The following ATP6V1C2 variants were observed in gnomAD, a reference collection of about 807,000 sequenced individuals.
ATP6V1C2 encodes the protein ATPase H+ transporting V1 subunit C2.
ATP6V1C2 carries 45 observed loss-of-function variants against 56.8 expected under a neutral mutation model. The ratio of observed to expected loss-of-function variants is 0.79; its 90% CI spans 0.62 to 1.02. The LOEUF (loss-of-function observed/expected upper bound fraction) is 1.02, where lower values mean the gene tolerates loss of function less well. ATP6V1C2 is among the 50% of genes least tolerant of loss of function. The pLI, the probability that ATP6V1C2 is intolerant of heterozygous loss-of-function variation, is 0.00. For missense variants in ATP6V1C2, 463 were observed against 519.7 expected, an observed-to-expected ratio of 0.89 and a Z score of 1.06; for synonymous variants, 220 against 201.3, an observed-to-expected ratio of 1.09 and a Z score of -0.79.
chr2:10,780,697 G>A lies in ATP6V1C2; in HGVS notation c.1062-1546G>A, dbSNP rs184309097. On this transcript the variant is annotated intron_variant, in intron 12 of 13. Coordinates refer to ENST00000272238, the MANE Select transcript of ATP6V1C2 (RefSeq NM_001039362.2). The surrounding 1 kb of genome is among the most constrained non-coding windows in gnomAD (Gnocchi z 4.1). ...AGCCTGTCCATGCCTTCCAGGATGC[G>A]CATCTGCCCAAGAAAGAGGTTGAGA... Among the ~76,000 whole-genome samples, 9 of 151,696 alleles carry A rather than the reference G, an allele frequency of 5.9e-5. No individual in the cohort carries two copies. The highest frequency in any genetic ancestry group is 5.8e-4 in the East Asian group (3 of 5,154).
chr2:10,734,340 C>G (rs1290672177), intron 3 of ATP6V1C2, among the ~76,000 whole-genome samples: 1 of 152,208 alleles, frequency 6.6e-6, no homozygotes, highest in Non-Finnish European at 1.5e-5. Flanking sequence ...GATTTACCCT[C>G]TCTAACACAC....
At chr2:10,745,184 T>C (rs537132557) in intron 3 of ATP6V1C2, among the ~76,000 whole-genome samples, 1 of 141,784 alleles carries the variant, frequency 7.1e-6, no homozygotes, top group South Asian at 2.3e-4. Flanking sequence ...TCTGGATGCC[T>C]GCCACCACAC....
Position 10,764,437 on chromosome 2 carries a change from G to T in ATP6V1C2, c.378+12G>T. ...ACACAATAGCCAAGGTGAGAAAAGGGACTGCTCTGGGGAACAGCTGACTGG... is the reference window on the plus strand; with the variant it reads ...ACACAATAGCCAAGGTGAGAAAAGGTACTGCTCTGGGGAACAGCTGACTGG... On this transcript the variant is annotated intron_variant, in intron 5 of 13. Coordinates refer to ENST00000272238, the MANE Select transcript of ATP6V1C2 (RefSeq NM_001039362.2). 6.2e-7 allele frequency: 1 copy of T among 1,611,452 alleles called. No individual in the cohort carries two copies. The highest frequency in any genetic ancestry group is 8.5e-7 in the Non-Finnish European group (1 of 1,177,670).
rs80200471 is a variant in ATP6V1C2, at chr2:10,743,667, C to T, written c.198-10314C>T. On this transcript the variant is annotated intron_variant, in intron 3 of 13. Coordinates refer to ENST00000272238, the MANE Select transcript of ATP6V1C2 (RefSeq NM_001039362.2). Reference sequence around the variant, plus strand: ...GAAACTAGCTTAGGCACCATAGGGACGCCCTGTCTGTACAAATAATAATAA... The same window carrying T: ...GAAACTAGCTTAGGCACCATAGGGATGCCCTGTCTGTACAAATAATAATAA... Among the ~76,000 whole-genome samples, 646 of 151,270 alleles carry T rather than the reference C, an allele frequency of 4.3e-3. 7 individuals carry two copies. Among genetic ancestry groups the T allele is most frequent in the African/African-American group, 0.014 (591 of 41,232 alleles).
At chr2:10,729,345 G>A (rs1313350104) in intron 3 of ATP6V1C2, among the ~76,000 whole-genome samples, 1 of 151,750 alleles carries the variant, frequency 6.6e-6, no homozygotes, top group African/African-American at 2.4e-5. Context: ...TGTATTTTTA[G>A]TAGAGACGGT....
chr2:10,754,122 G>C (rs953204789), intron 4 of ATP6V1C2, 56 bp downstream of exon 4: 1 of 1,473,138 alleles, frequency 6.8e-7, no homozygotes. Context: ...CTCTAGACCA[G>C]AGTCGTCCTT....
chr2:10,736,936 C>T (rs1275134996), intron 3 of ATP6V1C2, among the ~76,000 whole-genome samples: 3 of 151,266 alleles, frequency 2.0e-5, no homozygotes, highest in African/African-American at 4.9e-5. Flanking sequence ...TTTATAGGGA[C>T]GAGGGTTTCA....
intron 4 of ATP6V1C2, among the ~76,000 whole-genome samples, chr2:10,762,947 C>T (rs1488362747): frequency 6.6e-6 from 1 of 152,150 alleles, no homozygotes; most frequent in Non-Finnish European, 1.5e-5. Context: ...TCAGAGGACT[C>T]CCCCAGAGTG....
rs141017796 is a variant in ATP6V1C2, at chr2:10,780,504, G to A, written c.1062-1739G>A. ...CCCACACCTGTACCCATGCGCACCTGTGCACGCCCATCTCAAAAGCCTGTA... is the reference window on the plus strand; with the variant it reads ...CCCACACCTGTACCCATGCGCACCTATGCACGCCCATCTCAAAAGCCTGTA... On this transcript the variant is annotated intron_variant, in intron 12 of 13. Coordinates refer to ENST00000272238, the MANE Select transcript of ATP6V1C2 (RefSeq NM_001039362.2). This position sits in a 1 kb window ranked among gnomAD's most constrained non-coding sequence, Gnocchi z 4.1. Among the ~76,000 whole-genome samples the A allele has an allele frequency of 0.011, 1,743 of 152,250 alleles. 24 individuals carry two copies. The highest frequency in any genetic ancestry group is 0.054 in the Middle Eastern group (16 of 294).
intron 2 of ATP6V1C2, among the ~76,000 whole-genome samples, chr2:10,726,068 GA>G (rs1344577451): frequency 6.6e-6 from 1 of 152,020 alleles, no homozygotes; most frequent in Non-Finnish European, 1.5e-5. Context: ...CAACAAGAGC[GA>G]AACTCCATCT....
chr2:10,759,752 A>G (rs1380610756), intron 4 of ATP6V1C2, among the ~76,000 whole-genome samples: 2 of 151,864 alleles, frequency 1.3e-5, no homozygotes, highest in South Asian at 2.1e-4. Context: ...TCTCAGCCTC[A>G]TTCTGACAAC....
chr2:10,762,077 T>C (rs1300253494), intron 4 of ATP6V1C2, among the ~76,000 whole-genome samples: 1 of 152,196 alleles, frequency 6.6e-6, no homozygotes, highest in East Asian at 1.9e-4. Context: ...CACAGCTTGC[T>C]CTGTGCCAGC....
chr2:10,722,136 C>A (rs1341375287), intron 1 of ATP6V1C2, among the ~76,000 whole-genome samples: 1 of 152,002 alleles, frequency 6.6e-6, no homozygotes, highest in Non-Finnish European at 1.5e-5. Context: ...GGGAAAGGTG[C>A]GGGTGTGGAC....
chr2:10,735,424 C>T (rs930450135), intron 3 of ATP6V1C2, among the ~76,000 whole-genome samples: 17 of 152,148 alleles, frequency 1.1e-4, no homozygotes, highest in African/African-American at 3.4e-4. Flanking sequence ...CCCACCCCGT[C>T]GGCCTCCCCA....
chr2:10,752,178 G>A (rs1479197249), intron 3 of ATP6V1C2, among the ~76,000 whole-genome samples: 1 of 152,178 alleles, frequency 6.6e-6, no homozygotes, highest in African/African-American at 2.4e-5. Context: ...GGGGAGTATG[G>A]TTGTTCAATT....
At chr2:10,741,495 G>A (rs1394173764) in intron 3 of ATP6V1C2, among the ~76,000 whole-genome samples, 1 of 152,132 alleles carries the variant, frequency 6.6e-6, no homozygotes, top group Non-Finnish European at 1.5e-5. Context: ...CCCCTCTTGT[G>A]TGGCTGCAGG....
intron 3 of ATP6V1C2, among the ~76,000 whole-genome samples, chr2:10,749,736 G>T (rs1351597093): frequency 8.5e-5 from 13 of 152,098 alleles, no homozygotes. Context: ...TTTTAAAAAT[G>T]TATTTATTTG....
At chr2:10,770,379 CAA>C (rs982200259) in intron 6 of ATP6V1C2, among the ~76,000 whole-genome samples, 7 of 152,188 alleles carry the variant, frequency 4.6e-5, no homozygotes, top group Admixed American at 4.6e-4. Context: ...GCCTGGGCAA[CAA>C]GAGTGAAACT....
chr2:10,776,462 G>A (rs1464195347), intron 10 of ATP6V1C2, among the ~76,000 whole-genome samples: 1 of 152,122 alleles, frequency 6.6e-6, no homozygotes, highest in Admixed American at 6.5e-5. Flanking sequence ...CCAGTCTTCA[G>A]AGCAGGGCCC....
Sources: allele counts gnomAD v4.1 joint callset (sites outside exome capture counted in the v4.1 genomes callset), GRCh38; gene constraint gnomAD v4.1.1; non-coding constraint Gnocchi (gnomAD v3.1); transcripts MANE v1.5; gene names NCBI Gene and HGNC (gene_info 2026-07-23, HGNC 2026-07-21).